MRAP2: variants seen among roughly 807,000 people sequenced by gnomAD.
MRAP2 encodes melanocortin 2 receptor accessory protein 2, also known as melanocortin-2 receptor accessory protein 2.
Under a neutral mutation model 17.4 loss-of-function variants are expected in MRAP2, and 20 were observed. That is an observed-to-expected ratio of 1.15 (90% CI 0.81 to 1.67). The LOEUF is 1.67. Ranked by LOEUF, MRAP2 falls within the 40% of genes most tolerant of loss-of-function variation. The pLI is 0.00. For missense variants in MRAP2, 238 were observed against 240.0 expected, an observed-to-expected ratio of 0.99 and a Z score of 0.05; for synonymous variants, 96 against 88.4, an observed-to-expected ratio of 1.09 and a Z score of -0.48.
chr6:84,126,648 T>G, the MRAP2 span: 1 of 559,434 alleles, frequency 1.8e-6, no homozygotes, highest in African/African-American at 1.9e-5. Context: ...AATTAATAGC[T>G]TTCATTCTCT....
chr6:84,144,971 T>C, the MRAP2 span, among the ~76,000 whole-genome samples: 70 of 152,144 alleles, frequency 4.6e-4, no homozygotes, highest in African/African-American at 1.7e-3. Flanking sequence ...GAATCTGTTC[T>C]CTTTGTAACA....
intron 1 of MRAP2, among the ~76,000 whole-genome samples, chr6:84,054,674 A>T (rs2099491258): frequency 1.3e-5 from 2 of 152,212 alleles, no homozygotes; most frequent in East Asian, 3.8e-4. Context: ...GAGCTAGTTC[A>T]TTTCTGATAC....
chr6:84,091,544 CTAATA>C (rs1306467875), downstream of MRAP2, among the ~76,000 whole-genome samples: 1 of 151,918 alleles, frequency 6.6e-6, no homozygotes, highest in Non-Finnish European at 1.5e-5. Flanking sequence ...AGTTTAACTT[CTAATA>C]TGAGTATGAT....
At chr6:84,115,027 G>T in the MRAP2 span, among the ~76,000 whole-genome samples, 2 of 152,200 alleles carry the variant, frequency 1.3e-5, no homozygotes, top group African/African-American at 2.4e-5. Flanking sequence ...GCTGGGAGGT[G>T]TCTCCCAGTC....
the MRAP2 span, among the ~76,000 whole-genome samples, chr6:84,096,985 C>T: frequency 6.6e-6 from 1 of 152,162 alleles, no homozygotes; most frequent in Non-Finnish European, 1.5e-5. Context: ...TACCCCTGTC[C>T]TAAATTAATT....
intron 3 of MRAP2, among the ~76,000 whole-genome samples, chr6:84,080,226 CG>C (rs1484441445): frequency 6.6e-6 from 1 of 151,788 alleles, no homozygotes; most frequent in Non-Finnish European, 1.5e-5. Flanking sequence ...TTAATAGAGA[CG>C]GGGTTTCACC....
At chr6:84,093,784 A>C (rs2099502194), downstream of MRAP2, among the ~76,000 whole-genome samples, 1 of 152,186 alleles carries the variant, frequency 6.6e-6, no homozygotes. Context: ...TAGCATTAAA[A>C]TGAGGAAGGG....
intron 3 of MRAP2, among the ~76,000 whole-genome samples, chr6:84,077,020 T>G (rs1293803996): frequency 6.6e-6 from 1 of 152,208 alleles, no homozygotes; most frequent in Non-Finnish European, 1.5e-5. Context: ...CAGATATAGC[T>G]GTTCAGTACA....
the MRAP2 span, chr6:84,125,339 C>T: frequency 1.4e-6 from 2 of 1,464,982 alleles, no homozygotes; most frequent in East Asian, 2.3e-5. Context: ...GAACATTTAA[C>T]AATCTTAAAG....
chr6:84,139,946 C>T, the MRAP2 span, among the ~76,000 whole-genome samples: 1 of 152,178 alleles, frequency 6.6e-6, no homozygotes, highest in Non-Finnish European at 1.5e-5. Context: ...GGTGTGTTCA[C>T]GGTTCTCACC....
the MRAP2 span, among the ~76,000 whole-genome samples, chr6:84,139,170 T>C: frequency 6.6e-6 from 1 of 152,202 alleles, no homozygotes; most frequent in South Asian, 2.1e-4. Context: ...TACATTTTCC[T>C]TTAGTGAAGA....
the MRAP2 span, among the ~76,000 whole-genome samples, chr6:84,096,091 G>C: frequency 3.9e-5 from 6 of 152,096 alleles, no homozygotes; most frequent in Non-Finnish European, 8.8e-5. Context: ...GTTCTCTATG[G>C]AGTAAAGTTT....
At chr6:84,128,844 C>T in the MRAP2 span, among the ~76,000 whole-genome samples, 603 of 141,810 alleles carry the variant, frequency 4.3e-3, 6 homozygotes, top group South Asian at 7.2e-3. Context: ...CCTCCCCTAA[C>T]CCCCAACCCC....
At chr6:84,119,959 A>G in the MRAP2 span, among the ~76,000 whole-genome samples, 5 of 152,210 alleles carry the variant, frequency 3.3e-5, no homozygotes, top group African/African-American at 1.2e-4. Flanking sequence ...GATGTAGATA[A>G]AGATTTATCA....
chr6:84,034,931 A>G (rs1326260794), intron 1 of MRAP2, among the ~76,000 whole-genome samples: 1 of 152,122 alleles, frequency 6.6e-6, no homozygotes, highest in Non-Finnish European at 1.5e-5. Context: ...GGTACATTGC[A>G]TGGGGTACAC....
intron 2 of MRAP2, among the ~76,000 whole-genome samples, chr6:84,058,706 G>T (rs2129166054): frequency 6.6e-6 from 1 of 152,288 alleles, no homozygotes; most frequent in African/African-American, 2.4e-5. Flanking sequence ...TTGGAGGGTT[G>T]CATAGCAGCA....
In MRAP2 at chr6:84,089,088, T is replaced by C. The variant is rs1432309545; in HGVS notation, c.228-3T>C. ...CAGTCTTTTATTTTCTTTTTTTAAA[T>C]AGCAATGCAGAGTCCTCAGAGAAGA... is the stretch of plus-strand genomic sequence containing the variant. On this transcript the variant is annotated splice_region_variant and splice_polypyrimidine_tract_variant and intron_variant, in intron 3 of 3. Coordinates refer to ENST00000257776, the MANE Select transcript of MRAP2 (RefSeq NM_138409.4). 6.3e-7 allele frequency: 1 copy of C among 1,594,534 alleles called. No individual in the cohort carries two copies. The highest frequency in any genetic ancestry group is 1.7e-4 in the Middle Eastern group (1 of 5,922).
At chr6:84,126,955 G>T in the MRAP2 span, among the ~76,000 whole-genome samples, 1 of 152,116 alleles carries the variant, frequency 6.6e-6, no homozygotes, top group African/African-American at 2.4e-5. Context: ...AATTCTATTT[G>T]TAATTCTCTA....
chr6:84,144,628 C>T, the MRAP2 span, among the ~76,000 whole-genome samples: 1,003 of 152,116 alleles, frequency 6.6e-3, 7 homozygotes, highest in African/African-American at 0.023. Flanking sequence ...ACCATTTGGC[C>T]AGGTAAGAAT....
Sources: allele counts gnomAD v4.1 joint callset (sites outside exome capture counted in the v4.1 genomes callset), GRCh38; gene constraint gnomAD v4.1.1; transcripts MANE v1.5; gene names NCBI Gene and HGNC (gene_info 2026-07-23, HGNC 2026-07-21).